The following NARS1 variants were observed in gnomAD, a reference collection of about 807,000 sequenced individuals.
NARS1 encodes asparaginyl-tRNA synthetase 1, also known as asparagine--tRNA ligase, cytoplasmic.
A neutral mutation model predicts 79.2 loss-of-function variants in NARS1; 65 were observed. The observed-to-expected ratio is 0.82, with a 90% CI of 0.67 to 1.01. The LOEUF is 1.01. Among genes scored for constraint, NARS1 ranks in the 50% least tolerant of loss-of-function variants. The pLI is 0.00. For missense variants in NARS1, 649 were observed against 673.8 expected (o/e 0.96, Z 0.41); for synonymous variants, 229 against 238.8 (o/e 0.96, Z 0.38).
Position 57,607,569 on chromosome 18 carries a change from C to T in NARS1, c.676G>A (p.Val226Ile), listed in dbSNP as rs778244918. ...TGTCTGTTGTTGAGCTGGACATCAA[C>T]GTCAGACTCCTCATTGATCAGGTTG... ...ADNLINEESD[V>I]DVQLNNRHMM... Residue 226 changes from valine to isoleucine, a missense_variant, in exon 8 of 14, where the codon GTT (valine) becomes ATT (isoleucine). Val to Ile is a conservative substitution (Grantham distance 29). Coordinates refer to ENST00000256854, the MANE Select transcript of NARS1 (RefSeq NM_004539.4). 12 of 1,614,112 alleles carry T rather than the reference C, an allele frequency of 7.4e-6. No homozygotes were observed. Among genetic ancestry groups the T allele is most frequent in the South Asian group, 2.2e-5 (2 of 91,088 alleles).
Position 57,610,272 on chromosome 18 carries a change from G to C in NARS1, c.493-829C>G, listed in dbSNP as rs975100252. Among the ~76,000 whole-genome samples, 5 of 152,248 alleles carry C rather than the reference G, an allele frequency of 3.3e-5. No individual in the cohort carries two copies. In the East Asian group the frequency reaches 7.7e-4, roughly 24 times the overall value. Reference sequence around the variant, plus strand: ...GGATCACCTGAGGTCAGGAGTTCAAGACCAGCCTGGCCAACATGGCAAAAA... The same window carrying C: ...GGATCACCTGAGGTCAGGAGTTCAACACCAGCCTGGCCAACATGGCAAAAA... On this transcript the variant is annotated intron_variant, in intron 6 of 13. Transcript: ENST00000256854.
rs181537185 is a variant in NARS1, at chr18:57,604,868, G to A, written c.1251+989C>T. Among the ~76,000 whole-genome samples the A allele has an allele frequency of 8.2e-4, 125 of 152,222 alleles. 1 individual carries two copies. Among genetic ancestry groups the A allele is most frequent in the Non-Finnish European group, 3.2e-4 (22 of 68,030 alleles). The stretch of plus-strand genomic sequence containing the variant: ...CGCACCAATGCATTCCAGCCTGGAC[G>A]ACAGATGGAGATGCTGTCCCAAATA... On this transcript the variant is annotated intron_variant, in intron 11 of 13. Transcript: ENST00000256854.
chr18:57,606,598 C>T lies in NARS1; in HGVS notation c.1137+18G>A. The T allele has an allele frequency of 6.3e-7, 1 of 1,596,220 alleles. No homozygotes were observed. Among genetic ancestry groups the T allele is most frequent in the South Asian group, 1.1e-5 (1 of 88,572 alleles). ...AAAAAGGACTGTGACTTTTTCTTTC[C>T]ATAAACACTGCACCTACCGGGTTGA... On this transcript the variant is annotated intron_variant, in intron 10 of 13. Coordinates refer to ENST00000256854, the MANE Select transcript of NARS1 (RefSeq NM_004539.4).
chr18:57,604,334 C>T (rs2051535853), intron 11 of NARS1, among the ~76,000 whole-genome samples: 1 of 152,082 alleles, frequency 6.6e-6, no homozygotes, highest in South Asian at 2.1e-4. Flanking sequence ...GAGAGGACTG[C>T]TCGAGGCCAG....
At chr18:57,621,666 C>G (rs1340349040) in intron 1 of NARS1, 42 bp downstream of exon 1, 1 of 1,585,812 alleles carries the variant, frequency 6.3e-7, no homozygotes. Context: ...GAGTTCCTGC[C>G]CCAGGCAGGG....
Position 57,607,087 on chromosome 18 carries a change from T to C in NARS1, c.1001+47A>G, listed in dbSNP as rs751687396. On this transcript the variant is annotated intron_variant, in intron 9 of 13. Coordinates refer to ENST00000256854, the MANE Select transcript of NARS1 (RefSeq NM_004539.4). ...TTTACCTACACTAAGATTTCTTCTC[T>C]AAAGATATTACCTAGAAAGAAATAA... 3 of 1,519,882 alleles carry C rather than the reference T, an allele frequency of 2.0e-6. No individual in the cohort carries two copies. The South Asian group carries it at 3.6e-5, about 18-fold the overall frequency. 94.1% of individuals were successfully genotyped at this position (1,519,882 alleles called of 1,614,324 possible). A position where few individuals can be genotyped will look rare whatever the true frequency, so the allele number is the denominator to read the frequency against.
chr18:57,615,131 G>A (rs940986713), intron 4 of NARS1, among the ~76,000 whole-genome samples: 2 of 152,032 alleles, frequency 1.3e-5, no homozygotes, highest in Non-Finnish European at 2.9e-5. Flanking sequence ...CTGCACCACT[G>A]CACTCCAGCC....
At position 57,602,484 on chromosome 18, in the gene NARS1, G is replaced by C. The variant is rs749971271; in HGVS notation, c.1386C>G (p.Val462=). 1.2e-6 allele frequency: 2 copies of C among 1,613,500 alleles called. No homozygotes were observed. Among genetic ancestry groups the C allele is most frequent in the Non-Finnish European group, 1.7e-6 (2 of 1,179,678 alleles). The change falls in exon 13 of 14, where the codon GTC becomes GTG. Residue 462 remains valine (V), a splice_region_variant and synonymous_variant. Coordinates refer to ENST00000256854, the MANE Select transcript of NARS1 (RefSeq NM_004539.4). The part of the protein sequence containing the change: ...CPEDSRLTES[V]DVLMPNVGEI... ...CACCAACATTGGGCATCAACACGTCGACCTTTAAATATAAGTGAAAGAAGA... is the reference window on the plus strand; with the variant it reads ...CACCAACATTGGGCATCAACACGTCCACCTTTAAATATAAGTGAAAGAAGA...
intron 1 of NARS1, 121 bp downstream of exon 1, chr18:57,621,574 CTCCCTGCAATCGG>C: frequency 5.6e-6 from 3 of 539,802 alleles, no homozygotes; most frequent in Non-Finnish European, 1.1e-5. Flanking sequence ...CCCTCCCTCC[CTCCCTGCAATCGG>C]TCCCCAAACA....
intron 4 of NARS1, among the ~76,000 whole-genome samples, chr18:57,614,501 C>CATAA (rs1233130132): frequency 1.3e-5 from 2 of 149,300 alleles, no homozygotes; most frequent in Non-Finnish European, 3.0e-5. Context: ...AACTCTGTCT[C>CATAA]ATAAATAAAT....
chr18:57,610,774 G>A (rs1179614265), intron 6 of NARS1, among the ~76,000 whole-genome samples: 1 of 152,132 alleles, frequency 6.6e-6, no homozygotes, highest in African/African-American at 2.4e-5. Flanking sequence ...TGCAAAGAGA[G>A]CAGCAGAGTT....
chr18:57,621,569 C>CCCCCCCCCCCTCAAA, intron 1 of NARS1, 139 bp downstream of exon 1: 2 of 478,080 alleles, frequency 4.2e-6, no homozygotes, highest in Non-Finnish European at 4.1e-6. Flanking sequence ...ACCCTCCCTC[C>CCCCCCCCCCCTCAAA]CTCCCTCCCT....
chr18:57,616,007 TG>T (rs780087034), intron 2 of NARS1, 32 bp from the exon 3 acceptor site: 1 of 1,542,882 alleles, frequency 6.5e-7, no homozygotes, highest in Admixed American at 2.0e-5. Context: ...AGACAGTTCT[TG>T]AACATTGTAC....
rs1288311147 is a variant in NARS1 at position 57,601,529 on chromosome 18, A to G, written c.*123T>C. ...GATTTGAGATAGTTTTTATGGTAGT[A>G]GAAAGAAAAACAGAAAGAGAAACCC... On this transcript the variant is annotated 3_prime_UTR_variant, in exon 14 of 14. Coordinates refer to ENST00000256854, the MANE Select transcript of NARS1 (RefSeq NM_004539.4). The G allele has an allele frequency of 8.1e-6, 8 of 984,278 alleles. No individual in the cohort carries two copies. Among genetic ancestry groups the G allele is most frequent in the Admixed American group, 5.9e-5 (2 of 33,642 alleles). The allele number at this position is 984,278 out of a possible 1,614,324, so 61.0% of individuals were successfully genotyped here.
At chr18:57,615,375 G>A (rs140917887) in intron 4 of NARS1, among the ~76,000 whole-genome samples, 12 of 151,942 alleles carry the variant, frequency 7.9e-5, no homozygotes, top group South Asian at 2.1e-4. Context: ...GGTGGCGGGC[G>A]CCTGTAGTCC....
intron 13 of NARS1, 105 bp from the exon 14 acceptor site, chr18:57,601,888 T>C (rs532217612): frequency 7.2e-6 from 9 of 1,254,674 alleles, no homozygotes; most frequent in Admixed American, 1.9e-5. Context: ...CTCACTGTGG[T>C]TAAGAATTCA....
intron 2 of NARS1, among the ~76,000 whole-genome samples, chr18:57,619,266 A>ATTTTTT (rs57667136): frequency 8.1e-5 from 10 of 123,754 alleles, no homozygotes; most frequent in Non-Finnish European, 1.5e-4. Context: ...TGCCTGGCTA[A>ATTTTTT]TTTTTTTTTT....
In NARS1 at chr18:57,606,667, T is replaced by C; in HGVS notation, c.1086A>G (p.Val362=). The change falls in exon 10 of 14, where the codon GTA becomes GTG. Residue 362 remains valine (V), a synonymous_variant. Coordinates refer to ENST00000256854, the MANE Select transcript of NARS1 (RefSeq NM_004539.4). The stretch of plus-strand genomic sequence containing the variant: ...CTGCAGGTGACTTCAATATTCGATC[T>C]ACCACATCACAAACCAAGTCCTCCA... ...NRLEDLVCDV[V]DRILKSPAGS... is the part of the protein sequence containing the mutation. The C allele has an allele frequency of 6.2e-7, 1 of 1,614,106 alleles. No homozygotes were observed. The highest frequency in any genetic ancestry group is 8.5e-7 in the Non-Finnish European group (1 of 1,179,986).
At chr18:57,607,015 T>C (rs1417538113) in intron 9 of NARS1, 119 bp downstream of exon 9, 2 of 1,134,050 alleles carry the variant, frequency 1.8e-6, no homozygotes, top group Non-Finnish European at 2.5e-6. Context: ...TGTTCTTCCA[T>C]TAACCACTTA....
Sources: allele counts gnomAD v4.1 joint callset (sites outside exome capture counted in the v4.1 genomes callset), GRCh38; gene constraint gnomAD v4.1.1; transcripts MANE v1.5; gene names NCBI Gene and HGNC (gene_info 2026-07-23, HGNC 2026-07-21).